TECRL: variants seen among roughly 807,000 people sequenced by gnomAD.
TECRL encodes trans-2,3-enoyl-CoA reductase-like.
Under a neutral mutation model 52.8 loss-of-function variants are expected in TECRL, and 63 were observed. That is an observed-to-expected ratio of 1.19 (90% CI 0.97 to 1.47). TECRL has a LOEUF of 1.47. Ranked by LOEUF, TECRL falls within the 40% of genes most tolerant of loss-of-function variation. The pLI is 0.00. For synonymous variants in TECRL, 164 were observed against 141.9 expected, an observed-to-expected ratio of 1.16 and a Z score of -1.10; for missense variants, 482 against 429.6, an observed-to-expected ratio of 1.12 and a Z score of -1.08.
chr4:64,390,123 G>A (rs1248760683), intron 1 of TECRL, among the ~76,000 whole-genome samples: 1 of 151,850 alleles, frequency 6.6e-6, no homozygotes, highest in Non-Finnish European at 1.5e-5. Context: ...ATCTGGCTTA[G>A]AAGCCAGGCA....
intron 2 of TECRL, among the ~76,000 whole-genome samples, chr4:64,362,361 A>G (rs1370508647): frequency 6.6e-6 from 1 of 152,068 alleles, no homozygotes; most frequent in African/African-American, 2.4e-5. Context: ...CCACTGAGGG[A>G]TGCTATGAAA....
intron 3 of TECRL, among the ~76,000 whole-genome samples, chr4:64,323,107 G>A (rs1718019837): frequency 6.6e-6 from 1 of 151,914 alleles, no homozygotes; most frequent in South Asian, 2.1e-4. Context: ...TTTTTTTAAA[G>A]TGTAATTTTA....
chr4:64,387,309 T>TA (rs1454335311), intron 1 of TECRL, among the ~76,000 whole-genome samples: 5 of 152,278 alleles, frequency 3.3e-5, no homozygotes, highest in African/African-American at 4.8e-5. Flanking sequence ...TCCATTCACC[T>TA]ACTGAAAGAC....
Position 64,314,794 on chromosome 4 carries a change from A to AT in TECRL, c.436-32dup, listed in dbSNP as rs767101469. ...AATAAAACATGATTTAGATTAAACG[A>AT]TAAAAATAGATGTTTTTAAGGTTCA... On this transcript the variant is annotated intron_variant, in intron 4 of 11. Transcript: ENST00000381210. 67 of 1,451,060 alleles carry AT rather than the reference A, an allele frequency of 4.6e-5. No homozygotes were observed. The South Asian group carries it at 6.3e-4, about 14-fold the overall frequency. The allele number at this position is 1,451,060 out of a possible 1,614,324, so 89.9% of individuals were successfully genotyped here. A position where few individuals can be genotyped will look rare whatever the true frequency, so the allele number is the denominator to read the frequency against.
At chr4:64,366,155 A>G (rs1721583498) in intron 2 of TECRL, among the ~76,000 whole-genome samples, 2 of 152,114 alleles carry the variant, frequency 1.3e-5, no homozygotes, top group Admixed American at 1.3e-4. Flanking sequence ...CATTCAATAA[A>G]CGGCACATGG....
chr4:64,322,453 TAAAA>T (rs77102922), intron 4 of TECRL, among the ~76,000 whole-genome samples: 4 of 114,630 alleles, frequency 3.5e-5, no homozygotes, highest in Non-Finnish European at 7.3e-5. Flanking sequence ...GGGTTGACTT[TAAAA>T]AAAAAAAAAA....
chr4:64,334,219 A>G (rs1479514684), intron 2 of TECRL, among the ~76,000 whole-genome samples: 1 of 152,016 alleles, frequency 6.6e-6, no homozygotes, highest in East Asian at 1.9e-4. Flanking sequence ...ATTACCCAAA[A>G]TTCTTCCTTG....
intron 8 of TECRL, among the ~76,000 whole-genome samples, chr4:64,297,671 T>A (rs1202719273): frequency 2.6e-5 from 4 of 151,220 alleles, no homozygotes; most frequent in Non-Finnish European, 5.9e-5. Context: ...GTACTTATAA[T>A]AACTTTCAAA....
intron 8 of TECRL, among the ~76,000 whole-genome samples, chr4:64,298,553 A>G (rs916149081): frequency 5.3e-5 from 8 of 151,210 alleles, no homozygotes. Context: ...ACTTATTAAA[A>G]GTTTTATTTT....
At chr4:64,382,263 GTTATATA>G (rs1389301011) in intron 1 of TECRL, among the ~76,000 whole-genome samples, 9 of 137,504 alleles carry the variant, frequency 6.5e-5, no homozygotes, top group African/African-American at 1.7e-4. Flanking sequence ...TATATATTAT[GTTATATA>G]TTATATATTA....
chr4:64,401,375 A>G (rs936745909), intron 1 of TECRL, among the ~76,000 whole-genome samples: 14 of 152,106 alleles, frequency 9.2e-5, no homozygotes, highest in Non-Finnish European at 1.9e-4. Flanking sequence ...TGGATATGCT[A>G]AACTTTCTTC....
chr4:64,348,767 G>A (rs1286482611), intron 2 of TECRL, among the ~76,000 whole-genome samples: 1 of 152,200 alleles, frequency 6.6e-6, no homozygotes, highest in South Asian at 2.1e-4. Context: ...TTGTAGCTCA[G>A]AACATGTCTC....
chr4:64,276,488 A>T (rs556458983), downstream of TECRL: 1 of 151,956 alleles, frequency 6.6e-6, no homozygotes, highest in Admixed American at 6.6e-5. Context: ...TGTTTTTCCT[A>T]TGAATATGAT....
intron 3 of TECRL, among the ~76,000 whole-genome samples, chr4:64,325,977 T>C (rs770519668): frequency 8.5e-5 from 13 of 152,248 alleles, no homozygotes; most frequent in Middle Eastern, 3.4e-3. Context: ...GAGAGGAATA[T>C]ATAGGGCCAA....
rs557072027 is a variant in TECRL, at chr4:64,376,592, A to G, written c.235-1369T>C. 2.6e-5 allele frequency among the ~76,000 whole-genome samples: 4 copies of G among 152,008 alleles called. No homozygotes were observed. The South Asian group carries it at 6.2e-4, about 24-fold the overall frequency. ...TTATCTCAATGTTTCTTATTCATTC[A>G]GCACCTTTATATGTTGCTTTCTCTG... On this transcript the variant is annotated intron_variant, in intron 1 of 11. Coordinates refer to ENST00000381210, the MANE Select transcript of TECRL (RefSeq NM_001010874.5).
intron 1 of TECRL, among the ~76,000 whole-genome samples, chr4:64,377,126 T>G (rs1486373266): frequency 6.6e-6 from 1 of 152,092 alleles, no homozygotes; most frequent in Non-Finnish European, 1.5e-5. Flanking sequence ...GGATGTATTA[T>G]ACACTCTTAA....
At chr4:64,370,089 C>T (rs1356774116) in intron 2 of TECRL, among the ~76,000 whole-genome samples, 1 of 151,724 alleles carries the variant, frequency 6.6e-6, no homozygotes, top group Non-Finnish European at 1.5e-5. Context: ...TGTGAACAAA[C>T]ATGGAGAAAG....
chr4:64,336,352 G>A (rs1325469490), intron 2 of TECRL, among the ~76,000 whole-genome samples: 3 of 152,018 alleles, frequency 2.0e-5, no homozygotes, highest in African/African-American at 7.2e-5. Flanking sequence ...TGGGATTGGT[G>A]GTGATATCCC....
chr4:64,316,358 G>A (rs1345443012), intron 4 of TECRL, among the ~76,000 whole-genome samples: 1 of 151,964 alleles, frequency 6.6e-6, no homozygotes, highest in East Asian at 1.9e-4. Flanking sequence ...GTTTTAGAAG[G>A]CTTAATATTT....
Sources: gnomAD v4.1 joint callset for allele counts (sites outside exome capture counted in the v4.1 genomes callset) on GRCh38, gnomAD v4.1.1 for gene constraint, MANE v1.5 for transcripts, NCBI Gene and HGNC (gene_info 2026-07-23, HGNC 2026-07-21) for gene names.